The following AHNAK variants were observed in gnomAD, a reference collection of about 807,000 sequenced individuals.
The protein encoded by AHNAK is AHNAK nucleoprotein.
Under a neutral mutation model 37.8 loss-of-function variants are expected in AHNAK, and 23 were observed. The ratio of observed to expected loss-of-function variants is 0.61; its 90% CI spans 0.44 to 0.86. AHNAK has a LOEUF of 0.86. AHNAK is among the 40% of genes least tolerant of loss of function. The pLI is 0.00. For missense variants in AHNAK, 7,411 were observed against 7,319.4 expected, an observed-to-expected ratio of 1.01 and a Z score of -0.46; for synonymous variants, 2,481 against 2,636.3, an observed-to-expected ratio of 0.94 and a Z score of 1.80.
chr11:62,538,676 C>T (rs376307696), intron 1 of AHNAK, among the ~76,000 whole-genome samples: 14 of 152,222 alleles, frequency 9.2e-5, no homozygotes, highest in African/African-American at 3.4e-4. Flanking sequence ...CTGCGTTAGA[C>T]GGTGACCTCA....
rs1940150771 is a variant in AHNAK at position 62,519,497 on chromosome 11, T to G, written c.14920A>C (p.Lys4974Gln). Residue 4974 changes from lysine (K) to glutamine (Q), a missense_variant, in exon 5 of 5, where the codon AAA (lysine) becomes CAA (glutamine). Transcript: ENST00000378024. Reference protein sequence around the residue: ...NIEGPDVKIPKFKKPKFGFGA... With the variant: ...NIEGPDVKIPQFKKPKFGFGA... The stretch of plus-strand genomic sequence containing the variant: ...AATCCAAACTTGGGTTTCTTAAATT[T>G]GGGGATTTTAACATCTGGCCCTTCG... 5 of 1,613,296 alleles carry G rather than the reference T, an allele frequency of 3.1e-6. No individual in the cohort carries two copies. The highest frequency in any genetic ancestry group is 4.2e-6 in the Non-Finnish European group (5 of 1,179,770).
At chr11:62,448,654 C>T (rs1479027206) in intron 5 of AHNAK, among the ~76,000 whole-genome samples, 2 of 152,132 alleles carry the variant, frequency 1.3e-5, no homozygotes, top group African/African-American at 4.8e-5. Context: ...CTTTGAGTTC[C>T]ATTTGGGAAA....
At chr11:62,484,538 C>T (rs1204198746) in intron 5 of AHNAK, among the ~76,000 whole-genome samples, 1 of 152,154 alleles carries the variant, frequency 6.6e-6, no homozygotes, top group Non-Finnish European at 1.5e-5. Flanking sequence ...AAGCATAGTT[C>T]ACAGCAAATA....
chr11:62,454,899 G>C (rs1300816450), intron 5 of AHNAK, among the ~76,000 whole-genome samples: 2 of 151,422 alleles, frequency 1.3e-5, no homozygotes, highest in Admixed American at 6.6e-5. Flanking sequence ...CTCCACTGAA[G>C]GCTCAGATTT....
In AHNAK at chr11:62,452,770, A is replaced by T. The variant is rs779644725; in HGVS notation, c.443-18879T>A. On this transcript the variant is annotated intron_variant, in intron 5 of 5. Transcript: ENST00000257247. ...GGCGCGGTGGCTTACCGCACCTGTA[A>T]TCCCAACACTTTGGGAGGCCAAGGC... 3.3e-5 allele frequency among the ~76,000 whole-genome samples: 5 copies of T among 152,152 alleles called. No homozygotes were observed. In the South Asian group the frequency reaches 6.2e-4, roughly 19 times the overall value.
chr11:62,486,725 G>A (rs1456311424), intron 5 of AHNAK, among the ~76,000 whole-genome samples: 2 of 146,874 alleles, frequency 1.4e-5, no homozygotes, highest in Non-Finnish European at 1.5e-5. Flanking sequence ...TGGTTAAAAT[G>A]GTCAATTTTA....
Position 62,520,532 on chromosome 11 carries a change from T to C in AHNAK, c.13885A>G (p.Ile4629Val). ...EGDLKGPEVD[I>V]RDPKVDIDVP... is the part of the protein sequence containing the mutation. ...TCAATGTCCACTTTGGGGTCCCTGA[T>C]GTCAACTTCGGGGCCCTTGAGGTCG... The change falls in exon 5 of 5, where the codon ATC becomes GTC. Residue 4629 changes from isoleucine to valine, a missense_variant. Physicochemically the swap from Ile to Val is conservative, Grantham distance 29. Transcript: ENST00000378024. 1 of 1,614,222 alleles carries C rather than the reference T, an allele frequency of 6.2e-7. No individual in the cohort carries two copies. The highest frequency in any genetic ancestry group is 8.5e-7 in the Non-Finnish European group (1 of 1,180,048).
chr11:62,522,440 C>T lies in AHNAK; in HGVS notation c.11977G>A (p.Glu3993Lys), dbSNP rs771795723. The part of the protein sequence containing the change: ...KLKGPKFKMP[E>K]MNIKAPKISM... ...ATCTTGGGGGCTTTGATGTTCATCT[C>T]TGGCATCTTGAATTTAGGGCCCTTC... is the stretch of plus-strand genomic sequence containing the variant. The change falls in exon 5 of 5, where the codon GAG becomes AAG. Residue 3993 changes from glutamate (E) to lysine (K), a missense_variant. Transcript: ENST00000378024. 1 of 1,613,886 alleles carries T rather than the reference C, an allele frequency of 6.2e-7. No individual in the cohort carries two copies. Among genetic ancestry groups the T allele is most frequent in the Non-Finnish European group, 8.5e-7 (1 of 1,180,012 alleles).
In AHNAK at chr11:62,518,410, C is replaced by T; in HGVS notation, c.16007G>A (p.Gly5336Asp). Residue 5336 changes from glycine to aspartate, a missense_variant, in exon 5 of 5, where the codon GGC becomes GAC. Coordinates refer to ENST00000378024, the MANE Select transcript of AHNAK (RefSeq NM_001620.3). ...ACCGTCTCCTCCCACCTGCATTTTGCCACCGACACCACTGAGGTTGAGCCC... is the reference window on the plus strand; with the variant it reads ...ACCGTCTCCTCCCACCTGCATTTTGTCACCGACACCACTGAGGTTGAGCCC... The part of the protein sequence containing the change: ...APGLNLSGVG[G>D]KMQVGGDGVK... The T allele has an allele frequency of 6.2e-7, 1 of 1,614,128 alleles. No individual in the cohort carries two copies. The highest frequency in any genetic ancestry group is 1.1e-5 in the South Asian group (1 of 91,070).
At chr11:62,497,667 A>C (rs1299486978) in intron 4 of AHNAK, among the ~76,000 whole-genome samples, 1 of 152,204 alleles carries the variant, frequency 6.6e-6, no homozygotes, top group African/African-American at 2.4e-5. Context: ...AAGATCATAG[A>C]AACTGGTAAT....
At chr11:62,472,086 G>A (rs893960478) in intron 5 of AHNAK, among the ~76,000 whole-genome samples, 6 of 151,952 alleles carry the variant, frequency 3.9e-5, no homozygotes, top group African/African-American at 1.5e-4. Context: ...GAGGCAGAGG[G>A]CTGGCTCCGT....
chr11:62,508,873 G>A (rs961170751), intron 4 of AHNAK, among the ~76,000 whole-genome samples: 3 of 152,248 alleles, frequency 2.0e-5, no homozygotes, highest in East Asian at 3.8e-4. Context: ...CTCCCAGCCC[G>A]AGATCACGCC....
chr11:62,532,562 C>A lies in AHNAK; in HGVS notation c.1855G>T (p.Ala619Ser), dbSNP rs140261742. 11 of 1,614,010 alleles carry A rather than the reference C, an allele frequency of 6.8e-6. No homozygotes were observed. In the African/African-American group the frequency reaches 1.5e-4, roughly 22 times the overall value. Residue 619 changes from alanine (A) to serine (S), a missense_variant, in exon 5 of 5, where the codon GCG becomes TCG. Physicochemically the swap from Ala to Ser is moderately conservative, Grantham distance 99. Coordinates refer to ENST00000378024, the MANE Select transcript of AHNAK (RefSeq NM_001620.3). Reference protein sequence around the residue: ...KVDVSAPDVEAHGPEWNLKMP... With the variant: ...KVDVSAPDVESHGPEWNLKMP... ...TTCAGGTTCCATTCTGGGCCATGCG[C>A]TTCGACATCTGGGGCACTGACATCC...
Position 62,531,138 on chromosome 11 carries a change from C to T in AHNAK, c.3279G>A (p.Glu1093=), listed in dbSNP as rs1306105398. The change falls in exon 5 of 5, where the codon GAG becomes GAA. Residue 1093 remains glutamate, a synonymous_variant. Transcript: ENST00000378024. ...GNVDISAPKI[E]GEMQVPDVDI... Reference sequence around the variant, plus strand: ...CCACATCTGGAACCTGCATTTCACCCTCTATCTTTGGTGCAGAGATATCTA... The same window carrying T: ...CCACATCTGGAACCTGCATTTCACCTTCTATCTTTGGTGCAGAGATATCTA... The T allele has an allele frequency of 1.9e-6, 3 of 1,614,086 alleles. No homozygotes were observed. Among genetic ancestry groups the T allele is most frequent in the Middle Eastern group, 3.3e-4 (2 of 6,052 alleles).
At chr11:62,460,780 C>T (rs552592533) in intron 5 of AHNAK, among the ~76,000 whole-genome samples, 1 of 152,124 alleles carries the variant, frequency 6.6e-6, no homozygotes, top group East Asian at 1.9e-4. Flanking sequence ...ATCCTGGAGA[C>T]GAGGTGGCTG....
At chr11:62,474,451 G>A (rs900387002) in intron 5 of AHNAK, among the ~76,000 whole-genome samples, 1 of 152,180 alleles carries the variant, frequency 6.6e-6, no homozygotes, top group Non-Finnish European at 1.5e-5. Flanking sequence ...AAAGTGCTGG[G>A]ATTACAGGCA....
rs1288997806 is a variant in AHNAK, at chr11:62,533,723, A to C, written c.694T>G (p.Ser232Ala). 1.9e-6 allele frequency: 3 copies of C among 1,614,080 alleles called. No individual in the cohort carries two copies. The highest frequency in any genetic ancestry group is 2.5e-6 in the Non-Finnish European group (3 of 1,180,022). The change falls in exon 5 of 5, where the codon TCA (serine) becomes GCA (alanine). Residue 232 changes from serine to alanine, a missense_variant. By Grantham distance (99) the Ser-to-Ala change is moderately conservative. Coordinates refer to ENST00000378024, the MANE Select transcript of AHNAK (RefSeq NM_001620.3). The part of the protein sequence containing the change: ...VDIRAGAISA[S>A]GPELQGAGHS... The stretch of plus-strand genomic sequence containing the variant: ...CCAGCACCTTGGAGCTCTGGTCCTG[A>C]AGCAGAAATGGCCCCTGCTCGGATA...
Position 62,522,210 on chromosome 11 carries a change from G to A in AHNAK, c.12207C>T (p.Ser4069=). The A allele has an allele frequency of 6.2e-7, 1 of 1,613,266 alleles. No individual in the cohort carries two copies. The change falls in exon 5 of 5, where the codon AGC becomes AGT. Residue 4069 remains serine, a synonymous_variant. Coordinates refer to ENST00000378024, the MANE Select transcript of AHNAK (RefSeq NM_001620.3). ...GGCCCTCTCCTTTAAATCCTGGCAT[G>A]CTGAATTTGGGCATTTTCACCTTGG... ...KMPKVKMPKF[S]MPGFKGEGPE... is the part of the protein sequence containing the mutation.
At chr11:62,515,467 A>C, downstream of AHNAK, among the ~76,000 whole-genome samples, 1 of 152,226 alleles carries the variant, frequency 6.6e-6, no homozygotes, top group East Asian at 1.9e-4. Flanking sequence ...CAGTGAGCCA[A>C]GATTGTGCCA....
Sources: allele counts gnomAD v4.1 joint callset (sites outside exome capture counted in the v4.1 genomes callset), GRCh38; gene constraint gnomAD v4.1.1; transcripts MANE v1.5; gene names NCBI Gene and HGNC (gene_info 2026-07-23, HGNC 2026-07-21).